The following AK5 variants were observed in gnomAD, a reference collection of about 807,000 sequenced individuals.
AK5 encodes adenylate kinase isoenzyme 5.
In AK5, 27 loss-of-function variants were observed where a neutral mutation model predicts 69.5. That is an observed-to-expected ratio of 0.39 (90% CI 0.29 to 0.54). The LOEUF (loss-of-function observed/expected upper bound fraction) is 0.54, where lower values mean the gene tolerates loss of function less well. Among genes scored for constraint, AK5 ranks in the 20% least tolerant of loss-of-function variants. The pLI is 0.71. For missense variants in AK5, 531 were observed against 700.4 expected (o/e 0.76, Z 2.73); for synonymous variants, 260 against 244.4 (o/e 1.06, Z -0.60).
chr1:77,288,803 A>G (rs1324966722), intron 2 of AK5, among the ~76,000 whole-genome samples: 1 of 152,206 alleles, frequency 6.6e-6, no homozygotes, highest in African/African-American at 2.4e-5. Flanking sequence ...ACTATAAGGT[A>G]ATAAGATTAG....
chr1:77,316,968 T>C (rs779378323), intron 5 of AK5, among the ~76,000 whole-genome samples: 1 of 152,172 alleles, frequency 6.6e-6, no homozygotes, highest in Non-Finnish European at 1.5e-5. Context: ...GCATAACGAA[T>C]CAACCCAAAA....
chr1:77,555,366 G>A (rs1405213650), intron 13 of AK5, among the ~76,000 whole-genome samples: 1 of 152,138 alleles, frequency 6.6e-6, no homozygotes, highest in Non-Finnish European at 1.5e-5. Flanking sequence ...TCATAGCCTA[G>A]CCTGTCCCTA....
At chr1:77,374,247 G>C (rs1557540630) in intron 6 of AK5, among the ~76,000 whole-genome samples, 1 of 152,072 alleles carries the variant, frequency 6.6e-6, no homozygotes. Context: ...TCTTGGCCAA[G>C]CAAAATGCCC....
chr1:77,413,097 C>G (rs900426471), intron 7 of AK5, among the ~76,000 whole-genome samples: 1 of 152,042 alleles, frequency 6.6e-6, no homozygotes, highest in African/African-American at 2.4e-5. Flanking sequence ...CCACGAGTAC[C>G]CTTAGCACAG....
At chr1:77,355,287 T>G (rs1171692559) in intron 6 of AK5, among the ~76,000 whole-genome samples, 1 of 152,236 alleles carries the variant, frequency 6.6e-6, no homozygotes, top group African/African-American at 2.4e-5. Context: ...TCTGAATTCT[T>G]AAAACAATGA....
At chr1:77,481,157 A>G (rs1293602339) in intron 8 of AK5, among the ~76,000 whole-genome samples, 1 of 152,242 alleles carries the variant, frequency 6.6e-6, no homozygotes, top group African/African-American at 2.4e-5. Context: ...GACCAAATGC[A>G]TAGCAGCCAT....
chr1:77,548,553 T>A (rs189996411), intron 13 of AK5, among the ~76,000 whole-genome samples: 22 of 152,302 alleles, frequency 1.4e-4, no homozygotes, highest in Non-Finnish European at 1.5e-4. Context: ...TAAACCATGC[T>A]GTAACAGCTT....
At chr1:77,355,702 C>G (rs1424652438) in intron 6 of AK5, among the ~76,000 whole-genome samples, 2 of 152,122 alleles carry the variant, frequency 1.3e-5, no homozygotes, top group African/African-American at 2.4e-5. Flanking sequence ...TACTATAACT[C>G]TGTCTTTATA....
rs540218131 is a variant in AK5, at chr1:77,527,779, G to T, written c.1428+5836G>T. 3.1e-3 allele frequency among the ~76,000 whole-genome samples: 473 copies of T among 152,250 alleles called. 1 individual carries two copies. Among genetic ancestry groups the T allele is most frequent in the African/African-American group, 0.011 (459 of 41,534 alleles). On this transcript the variant is annotated intron_variant, in intron 12 of 13. Coordinates refer to ENST00000354567, the MANE Select transcript of AK5 (RefSeq NM_174858.3). ...CTCCTGCTTTAAACCTGACCAGATG[G>T]CCGGGCACGGTGGCTCACGCCTGTA...
At chr1:77,313,058 G>A (rs1380591709) in intron 5 of AK5, among the ~76,000 whole-genome samples, 2 of 152,068 alleles carry the variant, frequency 1.3e-5, no homozygotes, top group Non-Finnish European at 2.9e-5. Flanking sequence ...TATAGACACT[G>A]ATTGATGTTA....
At chr1:77,411,771 A>G (rs1650061025) in intron 7 of AK5, among the ~76,000 whole-genome samples, 1 of 152,198 alleles carries the variant, frequency 6.6e-6, no homozygotes, top group Admixed American at 6.5e-5. Flanking sequence ...GCTTGGGGCC[A>G]CAAAGAAAAA....
At chr1:77,362,404 A>G (rs1185997545) in intron 6 of AK5, among the ~76,000 whole-genome samples, 2 of 152,226 alleles carry the variant, frequency 1.3e-5, no homozygotes. Context: ...GTCCAAGCAT[A>G]TATTAATTAA....
At chr1:77,420,887 A>T (rs1288009824) in intron 8 of AK5, among the ~76,000 whole-genome samples, 1 of 152,176 alleles carries the variant, frequency 6.6e-6, no homozygotes, top group Non-Finnish European at 1.5e-5. Context: ...GTGGGCCCGT[A>T]TGTTATCTGT....
intron 5 of AK5, among the ~76,000 whole-genome samples, chr1:77,323,709 G>A (rs1660647615): frequency 6.6e-6 from 1 of 152,052 alleles, no homozygotes; most frequent in South Asian, 2.1e-4. Flanking sequence ...TATTCCACTT[G>A]AACTACCAAA....
At chr1:77,343,327 C>T (rs1661754476) in intron 6 of AK5, among the ~76,000 whole-genome samples, 1 of 152,172 alleles carries the variant, frequency 6.6e-6, no homozygotes, top group Non-Finnish European at 1.5e-5. Context: ...GTTAGTACCC[C>T]TCTTCTCTGG....
chr1:77,334,347 T>C (rs541260295), intron 5 of AK5, among the ~76,000 whole-genome samples: 1 of 152,300 alleles, frequency 6.6e-6, no homozygotes, highest in African/African-American at 2.4e-5. Flanking sequence ...GAAAGTAATC[T>C]CTCATTTCTT....
chr1:77,335,055 T>G (rs1051350439), intron 5 of AK5, among the ~76,000 whole-genome samples: 1 of 152,232 alleles, frequency 6.6e-6, no homozygotes, highest in Admixed American at 6.5e-5. Context: ...TTAGCTTATC[T>G]GAATTATGGA....
intron 10 of AK5, among the ~76,000 whole-genome samples, chr1:77,493,335 C>CA (rs201297304): frequency 1.3e-5 from 2 of 151,782 alleles, no homozygotes; most frequent in Admixed American, 1.3e-4. Context: ...GCAGCCCCCC[C>CA]CAGGTTCTCA....
intron 10 of AK5, among the ~76,000 whole-genome samples, chr1:77,487,185 C>G (rs1655660299): frequency 6.6e-6 from 1 of 152,158 alleles, no homozygotes; most frequent in African/African-American, 2.4e-5. Flanking sequence ...TCCAGGTTAT[C>G]TCAATTAATC....
Sources: allele counts gnomAD v4.1 joint callset (sites outside exome capture counted in the v4.1 genomes callset), GRCh38; gene constraint gnomAD v4.1.1; transcripts MANE v1.5; gene names NCBI Gene and HGNC (gene_info 2026-07-23, HGNC 2026-07-21).